ESRP1: variants seen among roughly 807,000 people sequenced by gnomAD.
ESRP1 encodes the protein RNA-binding motif protein 35A.
ESRP1 carries 33 observed loss-of-function variants against 81.7 expected under a neutral mutation model. That is an observed-to-expected ratio of 0.40 (90% CI 0.31 to 0.54). ESRP1 has a LOEUF of 0.54. Among genes scored for constraint, ESRP1 ranks in the 20% least tolerant of loss-of-function variants. The pLI, the probability that ESRP1 is intolerant of heterozygous loss-of-function variation, is 0.41. For missense variants in ESRP1, 672 were observed against 833.1 expected, an observed-to-expected ratio of 0.81 and a Z score of 2.38; for synonymous variants, 320 against 303.3, an observed-to-expected ratio of 1.06 and a Z score of -0.57.
intron 15 of ESRP1, among the ~76,000 whole-genome samples, chr8:94,702,726 G>A (rs958057837): frequency 2.0e-5 from 3 of 152,034 alleles, no homozygotes; most frequent in Non-Finnish European, 2.9e-5. Context: ...CTCGTGATCC[G>A]CCTGCCTCGG....
At chr8:94,692,561 G>T in intron 13 of ESRP1, 116 bp from the exon 14 acceptor site, 1 of 1,080,074 alleles carries the variant, frequency 9.3e-7, no homozygotes, top group Non-Finnish European at 1.3e-6. Flanking sequence ...ACAGCTCTGA[G>T]AAGTATAAGA....
At chr8:94,653,805 A>G (rs1283746536) in intron 4 of ESRP1, among the ~76,000 whole-genome samples, 1 of 151,542 alleles carries the variant, frequency 6.6e-6, no homozygotes, top group Admixed American at 6.6e-5. Context: ...TGAAAGGGAT[A>G]TATATATATA....
In ESRP1 at chr8:94,642,306, TA is replaced by T. The variant is rs142428531; in HGVS notation, c.261+223del. Among the ~76,000 whole-genome samples the T allele has an allele frequency of 5.4e-3, 815 of 152,324 alleles. 2 individuals are homozygous for T. Among genetic ancestry groups the T allele is most frequent in the Middle Eastern group, 0.051 (15 of 294 alleles). ...CCCAGGGTTTGGGACCGACATTCACTAGTTTTCGAGTTGCTTCCTGAGTAGT... is the reference window on the plus strand; with the variant it reads ...CCCAGGGTTTGGGACCGACATTCACTGTTTTCGAGTTGCTTCCTGAGTAGT... On this transcript the variant is annotated intron_variant, in intron 2 of 15. Transcript: ENST00000433389.
chr8:94,655,894 A>C (rs530651269), intron 4 of ESRP1: 1 of 152,204 alleles, frequency 6.6e-6, no homozygotes, highest in East Asian at 1.9e-4. Flanking sequence ...GTCTCGAAAA[A>C]ATAAATTAGG....
chr8:94,644,530 T>A (rs1419524320), intron 3 of ESRP1, among the ~76,000 whole-genome samples: 1 of 152,182 alleles, frequency 6.6e-6, no homozygotes, highest in Non-Finnish European at 1.5e-5. Context: ...TTTTAAAAAA[T>A]TAAATGCTAG....
intron 15 of ESRP1, among the ~76,000 whole-genome samples, chr8:94,699,267 G>A (rs1476511745): frequency 3.3e-5 from 5 of 151,994 alleles, no homozygotes; most frequent in Middle Eastern, 3.2e-3. Flanking sequence ...CAGATCGGGC[G>A]CTGTGTTCAA....
chr8:94,649,004 TGAGTTCAA>T (rs1031761971), intron 4 of ESRP1, among the ~76,000 whole-genome samples: 27 of 152,226 alleles, frequency 1.8e-4, no homozygotes, highest in African/African-American at 6.0e-4. Context: ...GTGGATCACT[TGAGTTCAA>T]GAGTTCAAGA....
chr8:94,666,845 A>T (rs1218947225), intron 9 of ESRP1, among the ~76,000 whole-genome samples: 1 of 152,166 alleles, frequency 6.6e-6, no homozygotes, highest in Non-Finnish European at 1.5e-5. Context: ...CAACTTGGAG[A>T]TGGCAAAGTC....
rs536973286 is a variant in ESRP1, at chr8:94,651,392, C to T, written c.490+5110C>T. Among the ~76,000 whole-genome samples, 4 of 151,432 alleles carry T rather than the reference C, an allele frequency of 2.6e-5. No individual in the cohort carries two copies. In the South Asian group the frequency reaches 6.3e-4, roughly 24 times the overall value. On this transcript the variant is annotated intron_variant, in intron 4 of 15. Transcript: ENST00000433389. ...GCAGGCCTGCACCACTGTGCCAGGCCAATGTTGTGTATTTCTAATGGAAGA... is the reference window on the plus strand; with the variant it reads ...GCAGGCCTGCACCACTGTGCCAGGCTAATGTTGTGTATTTCTAATGGAAGA...
chr8:94,695,311 C>A (rs1431299139), intron 14 of ESRP1, among the ~76,000 whole-genome samples: 1 of 145,142 alleles, frequency 6.9e-6, no homozygotes. Context: ...AATATCCAGG[C>A]AATAATTGGT....
rs545869490 is a variant in ESRP1, at chr8:94,655,065, T to TTTTTG, written c.491-7206_491-7205insTTTGT. Among the ~76,000 whole-genome samples the TTTTTG allele has an allele frequency of 1.6e-4, 23 of 147,632 alleles. 1 individual carries two copies. The highest frequency in any genetic ancestry group is 4.4e-4 in the African/African-American group (18 of 40,576). ...GTGTCTGTGAGGTTTTTTGGGTTTT[T>TTTTTG]TGTGTGTGTGTGTGTGTGTGTGTTT... On this transcript the variant is annotated intron_variant, in intron 4 of 15. Coordinates refer to ENST00000433389, the MANE Select transcript of ESRP1 (RefSeq NM_017697.4).
chr8:94,656,826 A>G (rs1026724438), intron 4 of ESRP1, among the ~76,000 whole-genome samples: 1 of 152,246 alleles, frequency 6.6e-6, no homozygotes, highest in Non-Finnish European at 1.5e-5. Context: ...TGTCTGAGTT[A>G]ATGTATTACC....
intron 4 of ESRP1, among the ~76,000 whole-genome samples, chr8:94,650,303 T>C (rs578178314): frequency 6.6e-6 from 1 of 152,228 alleles, no homozygotes; most frequent in South Asian, 2.1e-4. Context: ...TTATCCCTAA[T>C]AGAATAGTTT....
At chr8:94,683,434 G>T (rs12678729) in intron 13 of ESRP1, among the ~76,000 whole-genome samples, 51,825 of 151,772 alleles carry the variant, frequency 0.34, 9,470 homozygotes, top group East Asian at 0.56. Context: ...CTTGAAATTT[G>T]TATTGAGATT....
At chr8:94,699,440 G>A (rs961043297) in intron 15 of ESRP1, among the ~76,000 whole-genome samples, 3 of 151,872 alleles carry the variant, frequency 2.0e-5, no homozygotes. Flanking sequence ...CTAGAAATTT[G>A]AGACCAGCCT....
chr8:94,686,524 A>G (rs750764544), intron 13 of ESRP1, among the ~76,000 whole-genome samples: 12 of 152,172 alleles, frequency 7.9e-5, no homozygotes, highest in Non-Finnish European at 1.6e-4. Context: ...AAGGTTGCTT[A>G]TCCAGCTCAA....
chr8:94,660,688 G>C (rs1484814660), intron 4 of ESRP1, among the ~76,000 whole-genome samples: 1 of 114,852 alleles, frequency 8.7e-6, no homozygotes, highest in African/African-American at 3.4e-5. Flanking sequence ...TTCCAGCCTG[G>C]GCAACAGAGC....
chr8:94,667,199 C>T (rs1240502955), intron 9 of ESRP1, among the ~76,000 whole-genome samples: 1 of 146,588 alleles, frequency 6.8e-6, no homozygotes, highest in Non-Finnish European at 1.5e-5. Flanking sequence ...GCCTAGGAGA[C>T]AGAGTGAAAC....
chr8:94,647,148 G>C (rs992459988), intron 4 of ESRP1, among the ~76,000 whole-genome samples: 1 of 151,982 alleles, frequency 6.6e-6, no homozygotes, highest in African/African-American at 2.4e-5. Flanking sequence ...TTTTTTTCCT[G>C]ATTGAAGTTT....
Sources: gnomAD v4.1 joint callset for allele counts (sites outside exome capture counted in the v4.1 genomes callset) on GRCh38, gnomAD v4.1.1 for gene constraint, MANE v1.5 for transcripts, NCBI Gene and HGNC (gene_info 2026-07-23, HGNC 2026-07-21) for gene names.